Variants in DHRSX observed in about 807,000 individuals in gnomAD.
The protein encoded by DHRSX is polyprenol dehydrogenase.
DHRSX carries 31 observed loss-of-function variants against 34.0 expected under a neutral mutation model. That is an observed-to-expected ratio of 0.91 (90% confidence interval 0.69 to 1.23). DHRSX has a LOEUF of 1.23. DHRSX is among the 50% of genes most tolerant of loss of function. DHRSX has a pLI of 0.00. For missense variants in DHRSX, 414 were observed against 428.1 expected (o/e 0.97, Z 0.29); for synonymous variants, 201 against 183.8 (o/e 1.09, Z -0.76).
At chrX:2,332,736 A>G (rs1181410909) in intron 3 of DHRSX, among the ~76,000 whole-genome samples, 3 of 152,198 alleles carry the variant, frequency 2.0e-5, no homozygotes, top group Admixed American at 6.5e-5. Flanking sequence ...CTTCGACAAG[A>G]AGATTTCTTC....
At chrX:2,264,422 C>T (rs1388933744) in intron 5 of DHRSX, among the ~76,000 whole-genome samples, 2 of 150,962 alleles carry the variant, frequency 1.3e-5, no homozygotes, top group Non-Finnish European at 3.0e-5. Flanking sequence ...CTGTGTCCAG[C>T]AGACTCAGGG....
intron 3 of DHRSX, among the ~76,000 whole-genome samples, chrX:2,292,978 C>T (rs1377455808): frequency 6.6e-6 from 1 of 152,204 alleles, no homozygotes; most frequent in Non-Finnish European, 1.5e-5. Context: ...GAGACAGGGT[C>T]TCACTATGTC....
chrX:2,321,775 C>T (rs2042314665), intron 3 of DHRSX, among the ~76,000 whole-genome samples: 2 of 152,042 alleles, frequency 1.3e-5, no homozygotes, highest in South Asian at 2.1e-4. Context: ...CACGGGTCCA[C>T]TTCTACGGGC....
At chrX:2,315,550 C>G (rs1450742847) in intron 3 of DHRSX, among the ~76,000 whole-genome samples, 1 of 152,150 alleles carries the variant, frequency 6.6e-6, no homozygotes, top group Non-Finnish European at 1.5e-5. Context: ...AGATGCCCAT[C>G]TGTCTGCAGA....
intron 1 of DHRSX, among the ~76,000 whole-genome samples, chrX:2,457,931 G>A (rs183793591): frequency 4.6e-5 from 7 of 150,880 alleles, no homozygotes; most frequent in South Asian, 2.1e-4. Context: ...CCAAGGGACC[G>A]CCACCAAGTA....
chrX:2,440,899 G>A (rs1236572243), intron 1 of DHRSX, among the ~76,000 whole-genome samples: 2 of 152,144 alleles, frequency 1.3e-5, no homozygotes, highest in East Asian at 3.9e-4. Flanking sequence ...TTCTGTCCCT[G>A]TAGATCACCC....
At chrX:2,444,425 C>T (rs1353881232) in intron 1 of DHRSX, among the ~76,000 whole-genome samples, 2 of 152,160 alleles carry the variant, frequency 1.3e-5, no homozygotes, top group Non-Finnish European at 1.5e-5. Context: ...ATTCATTATG[C>T]CCTCCATTAA....
At chrX:2,282,358 AG>A (rs1474934003) in intron 4 of DHRSX, among the ~76,000 whole-genome samples, 3 of 140,612 alleles carry the variant, frequency 2.1e-5, no homozygotes, top group Admixed American at 7.2e-5. Flanking sequence ...AGAGAGAAGG[AG>A]AGGGAGGAAA....
At chrX:2,345,553 A>C (rs1198581346) in intron 3 of DHRSX, among the ~76,000 whole-genome samples, 1 of 151,874 alleles carries the variant, frequency 6.6e-6, no homozygotes, top group Non-Finnish European at 1.5e-5. Flanking sequence ...AGGATGAGGC[A>C]GAAGAATTGC....
At chrX:2,255,526 A>G (rs1199012926) in intron 5 of DHRSX, among the ~76,000 whole-genome samples, 2 of 152,178 alleles carry the variant, frequency 1.3e-5, no homozygotes, top group Non-Finnish European at 2.9e-5. Context: ...AAACCAAGAC[A>G]GCCATGTTCA....
At chrX:2,339,940 C>T (rs2042619853) in intron 3 of DHRSX, among the ~76,000 whole-genome samples, 1 of 152,102 alleles carries the variant, frequency 6.6e-6, no homozygotes, top group Admixed American at 6.6e-5. Context: ...TGAGGAATCC[C>T]CACACTGTCT....
chrX:2,365,796 G>A (rs998107503), intron 3 of DHRSX, among the ~76,000 whole-genome samples: 2 of 152,046 alleles, frequency 1.3e-5, no homozygotes, highest in Non-Finnish European at 2.9e-5. Flanking sequence ...GGGGCCTGTC[G>A]GGAGGTGGGG....
At chrX:2,458,754 A>G (rs1488179795) in intron 1 of DHRSX, among the ~76,000 whole-genome samples, 7 of 152,028 alleles carry the variant, frequency 4.6e-5, no homozygotes, top group Admixed American at 3.3e-4. Flanking sequence ...TCACAATGCT[A>G]TGGAAGGCTG....
At chrX:2,459,548 GTGTATATATA>G in intron 1 of DHRSX, among the ~76,000 whole-genome samples, 1 of 32,574 alleles carries the variant, frequency 3.1e-5, no homozygotes, top group East Asian at 7.7e-4. Flanking sequence ...GTGTGTCTGT[GTGTATATATA>G]TATATATATA....
At chrX:2,449,273 C>T (rs1319686745) in intron 1 of DHRSX, among the ~76,000 whole-genome samples, 3 of 151,884 alleles carry the variant, frequency 2.0e-5, no homozygotes, top group Non-Finnish European at 4.4e-5. Context: ...TCTCACAAAG[C>T]GGCGAGTGTT....
intron 6 of DHRSX, among the ~76,000 whole-genome samples, chrX:2,226,863 C>G (rs1462578768): frequency 6.6e-6 from 1 of 151,928 alleles, no homozygotes; most frequent in African/African-American, 2.4e-5. Context: ...TAGGGCAGCA[C>G]AGAGAATGTG....
At chrX:2,335,674 G>T (rs1468377974) in intron 3 of DHRSX, among the ~76,000 whole-genome samples, 1 of 151,916 alleles carries the variant, frequency 6.6e-6, no homozygotes, top group Non-Finnish European at 1.5e-5. Context: ...GGATGGTCTT[G>T]ATCTCTTTAC....
chrX:2,327,802 C>T (rs1221539426), intron 3 of DHRSX, among the ~76,000 whole-genome samples: 2 of 152,042 alleles, frequency 1.3e-5, no homozygotes, highest in Non-Finnish European at 2.9e-5. Context: ...GAGATGAGGC[C>T]GGGTGTGGTG....
intron 5 of DHRSX, among the ~76,000 whole-genome samples, chrX:2,266,070 G>T (rs1340902427): frequency 6.8e-6 from 1 of 147,414 alleles, no homozygotes; most frequent in Non-Finnish European, 1.5e-5. Context: ...TGTCCCCAGA[G>T]CACCAGTGCT....
Sources: allele counts gnomAD v4.1 joint callset (sites outside exome capture counted in the v4.1 genomes callset), GRCh38; gene constraint gnomAD v4.1.1; transcripts MANE v1.5; gene names NCBI Gene and HGNC (gene_info 2026-07-23, HGNC 2026-07-21).